GRID2: variants seen among roughly 807,000 people sequenced by gnomAD.
GRID2 encodes glutamate ionotropic receptor delta type subunit 2.
A neutral mutation model predicts 114.8 loss-of-function variants in GRID2; 33 were observed. That is an observed-to-expected ratio of 0.29 (90% CI 0.22 to 0.38). GRID2 has a LOEUF of 0.38. GRID2 is among the 10% of genes least tolerant of loss of function. The pLI is 1.00. For synonymous variants in GRID2, 505 were observed against 449.9 expected (o/e 1.12, Z -1.55); for missense variants, 1,184 against 1,257.7 (o/e 0.94, Z 0.89).
intron 2 of GRID2, among the ~76,000 whole-genome samples, chr4:92,634,520 G>A (rs1730969140): frequency 6.6e-6 from 1 of 152,038 alleles, no homozygotes; most frequent in South Asian, 2.1e-4. Flanking sequence ...AAGACATAGA[G>A]GAAGGTGTAG....
intron 4 of GRID2, among the ~76,000 whole-genome samples, chr4:93,183,098 G>A (rs1202445672): frequency 6.6e-6 from 1 of 152,064 alleles, no homozygotes; most frequent in Non-Finnish European, 1.5e-5. Context: ...AAGTAAATCA[G>A]GTGCCTGATA....
At chr4:93,784,877 A>ATTTGTACACCGTAGCGGTGTAC (rs1197890136) in intron 1 of GRID2, among the ~76,000 whole-genome samples, 3 of 152,196 alleles carry the variant, frequency 2.0e-5, no homozygotes, top group African/African-American at 4.8e-5. Flanking sequence ...ACTACAGTTT[A>ATTTGTACACCGTAGCGGTGTAC]AAATTATATG....
intron 1 of GRID2, among the ~76,000 whole-genome samples, chr4:92,521,406 C>G (rs968048100): frequency 6.6e-6 from 1 of 151,736 alleles, no homozygotes; most frequent in Non-Finnish European, 1.5e-5. Context: ...TTAATAGTAT[C>G]GACAATTTAT....
chr4:93,151,793 A>G (rs1385851672), intron 4 of GRID2, among the ~76,000 whole-genome samples: 1 of 152,134 alleles, frequency 6.6e-6, no homozygotes, highest in Non-Finnish European at 1.5e-5. Context: ...AATGATTTTC[A>G]TCTCTCAAGA....
intron 9 of GRID2, among the ~76,000 whole-genome samples, chr4:93,406,994 A>T (rs1766512997): frequency 6.6e-6 from 1 of 152,176 alleles, no homozygotes; most frequent in Non-Finnish European, 1.5e-5. Flanking sequence ...AAGTTGCAAC[A>T]TCATGATTGG....
At chr4:92,867,322 T>G (rs190953329) in intron 2 of GRID2, among the ~76,000 whole-genome samples, 1 of 152,264 alleles carries the variant, frequency 6.6e-6, no homozygotes, top group Admixed American at 6.5e-5. Flanking sequence ...CTTACTGCAA[T>G]TAAGGAAACC....
At chr4:92,974,683 G>A (rs1560760565) in intron 2 of GRID2, among the ~76,000 whole-genome samples, 2 of 150,488 alleles carry the variant, frequency 1.3e-5, no homozygotes, top group African/African-American at 4.9e-5. Context: ...AGAACGTGTC[G>A]CGGGGGTAGG....
At position 92,596,394 on chromosome 4, in the gene GRID2, A is replaced by C. The variant is rs538234820; in HGVS notation, c.244+6108A>C. On this transcript the variant is annotated intron_variant, in intron 2 of 15. Transcript: ENST00000282020. Reference sequence around the variant, plus strand: ...ATGTGTGAATTAGTGGAAGGAGCAAATCGTGTTGTTGAACAGCCATCTCCA... The same window carrying C: ...ATGTGTGAATTAGTGGAAGGAGCAACTCGTGTTGTTGAACAGCCATCTCCA... 2.6e-5 allele frequency among the ~76,000 whole-genome samples: 4 copies of C among 152,142 alleles called. No homozygotes were observed. In the South Asian group the frequency reaches 8.3e-4, roughly 32 times the overall value.
At chr4:92,772,342 A>G (rs1368259122) in intron 2 of GRID2, among the ~76,000 whole-genome samples, 2 of 152,106 alleles carry the variant, frequency 1.3e-5, no homozygotes, top group East Asian at 3.9e-4. Flanking sequence ...TTTTTCATTT[A>G]CATACCTTCT....
chr4:92,336,179 T>G (rs1168230288), intron 1 of GRID2, among the ~76,000 whole-genome samples: 1 of 152,206 alleles, frequency 6.6e-6, no homozygotes, highest in Non-Finnish European at 1.5e-5. Flanking sequence ...TTAGTAATTC[T>G]TAGATGTCAT....
intron 2 of GRID2, among the ~76,000 whole-genome samples, chr4:92,933,768 G>A (rs112286101): frequency 0.015 from 2,225 of 151,498 alleles, 20 homozygotes; most frequent in East Asian, 0.054. Context: ...TAAATAAAAT[G>A]AAAAATTTTT....
intron 13 of GRID2, among the ~76,000 whole-genome samples, chr4:93,605,118 G>C (rs1740087504): frequency 1.3e-5 from 2 of 152,140 alleles, no homozygotes; most frequent in African/African-American, 4.8e-5. Flanking sequence ...AGTAGTTCTG[G>C]GGGGCAAAAA....
chr4:93,503,307 A>G (rs1728304361), intron 12 of GRID2, among the ~76,000 whole-genome samples: 1 of 152,110 alleles, frequency 6.6e-6, no homozygotes, highest in Non-Finnish European at 1.5e-5. Context: ...TTCTCCTACT[A>G]AAAAATAAGG....
intron 1 of GRID2, among the ~76,000 whole-genome samples, chr4:92,416,228 A>T (rs1384440059): frequency 6.6e-6 from 1 of 151,634 alleles, no homozygotes; most frequent in Non-Finnish European, 1.5e-5. Flanking sequence ...TGCTCATGTC[A>T]TTTTCCCACT....
intron 14 of GRID2, among the ~76,000 whole-genome samples, chr4:93,735,278 A>G (rs576462582): frequency 1.3e-5 from 2 of 152,164 alleles, no homozygotes; most frequent in East Asian, 3.9e-4. Context: ...TGTTCATCCA[A>G]TGTGTCCCAG....
At chr4:92,774,891 C>A (rs926778966) in intron 2 of GRID2, among the ~76,000 whole-genome samples, 2 of 152,036 alleles carry the variant, frequency 1.3e-5, no homozygotes, top group African/African-American at 2.4e-5. Context: ...TTTCTAAATA[C>A]TTTAGTTTGA....
chr4:93,628,972 G>A (rs1048202182), intron 14 of GRID2, among the ~76,000 whole-genome samples: 44 of 152,020 alleles, frequency 2.9e-4, no homozygotes, highest in African/African-American at 8.7e-4. Context: ...TTGCCATATT[G>A]GGCAGGCTGG....
At chr4:92,831,164 A>T (rs1742075370) in intron 2 of GRID2, among the ~76,000 whole-genome samples, 1 of 152,216 alleles carries the variant, frequency 6.6e-6, no homozygotes, top group African/African-American at 2.4e-5. Flanking sequence ...CATTCCATGT[A>T]ACAAAAAATA....
At chr4:92,632,802 C>T (rs542370158) in intron 2 of GRID2, among the ~76,000 whole-genome samples, 1 of 151,894 alleles carries the variant, frequency 6.6e-6, no homozygotes, top group Non-Finnish European at 1.5e-5. Context: ...ACCATGACTA[C>T]AAATTATACA....
Sources: gnomAD v4.1 joint callset for allele counts (sites outside exome capture counted in the v4.1 genomes callset) on GRCh38, gnomAD v4.1.1 for gene constraint, MANE v1.5 for transcripts, NCBI Gene and HGNC (gene_info 2026-07-23, HGNC 2026-07-21) for gene names.